Variants in LRRC4C observed in about 807,000 individuals in gnomAD.
LRRC4C encodes leucine rich repeat containing 4C, also known as leucine-rich repeat-containing protein 4C.
In LRRC4C, 5 loss-of-function variants were observed where a neutral mutation model predicts 33.6. The ratio of observed to expected loss-of-function variants is 0.15; its 90% CI spans 0.08 to 0.31. The LOEUF is 0.31. Ranked by LOEUF, LRRC4C falls within the 10% of genes least tolerant of loss-of-function variation. LRRC4C has a pLI of 1.00. For missense variants in LRRC4C, 560 were observed against 796.7 expected (o/e 0.70, Z 3.58); for synonymous variants, 329 against 302.0 (o/e 1.09, Z -0.93).
At chr11:40,423,398 G>C (rs1342869250) in intron 3 of LRRC4C, among the ~76,000 whole-genome samples, 10 of 135,922 alleles carry the variant, frequency 7.4e-5, no homozygotes, top group South Asian at 2.4e-4. Flanking sequence ...AGGCTGGAGT[G>C]CAGTGGCGCC....
chr11:41,110,170 A>G (rs1312053814), intron 1 of LRRC4C, among the ~76,000 whole-genome samples: 1 of 152,086 alleles, frequency 6.6e-6, no homozygotes. Flanking sequence ...TCCTGGCTCT[A>G]GTACACAACT....
At chr11:40,819,839 G>A (rs557885158) in intron 2 of LRRC4C, among the ~76,000 whole-genome samples, 8 of 151,950 alleles carry the variant, frequency 5.3e-5, no homozygotes, top group South Asian at 2.1e-4. Flanking sequence ...AATTATTAAC[G>A]TACTCAAGAT....
chr11:40,320,933 C>T (rs1945813806), intron 3 of LRRC4C, among the ~76,000 whole-genome samples: 1 of 152,060 alleles, frequency 6.6e-6, no homozygotes, highest in Admixed American at 6.6e-5. Flanking sequence ...GTAAGTTATA[C>T]TAAGGTGGTT....
intron 2 of LRRC4C, among the ~76,000 whole-genome samples, chr11:40,801,916 A>C (rs1951059067): frequency 6.6e-6 from 1 of 152,166 alleles, no homozygotes; most frequent in Admixed American, 6.6e-5. Flanking sequence ...GGAGAATCTA[A>C]ATTAAAATAT....
intron 1 of LRRC4C, among the ~76,000 whole-genome samples, chr11:41,238,750 C>G (rs540432664): frequency 6.6e-6 from 1 of 152,126 alleles, no homozygotes; most frequent in Non-Finnish European, 1.5e-5. Flanking sequence ...TGCCTCTTTA[C>G]TATCATTATA....
chr11:40,958,305 G>C (rs572480207), intron 1 of LRRC4C, among the ~76,000 whole-genome samples: 2 of 151,842 alleles, frequency 1.3e-5, no homozygotes, highest in South Asian at 4.1e-4. Flanking sequence ...CTGTAAAATA[G>C]GGATGATGAC....
At chr11:40,731,201 C>A (rs920742311) in intron 2 of LRRC4C, among the ~76,000 whole-genome samples, 4 of 151,838 alleles carry the variant, frequency 2.6e-5, no homozygotes, top group Non-Finnish European at 5.9e-5. Flanking sequence ...TGCCTGTAGT[C>A]CCAGCTACTC....
At chr11:41,298,125 T>C (rs1950191850) in intron 1 of LRRC4C, among the ~76,000 whole-genome samples, 1 of 152,184 alleles carries the variant, frequency 6.6e-6, no homozygotes, top group African/African-American at 2.4e-5. Flanking sequence ...TCAGTAATGT[T>C]ACCAGAAAGC....
At chr11:40,974,141 A>C (rs1266112258) in intron 1 of LRRC4C, among the ~76,000 whole-genome samples, 4 of 152,250 alleles carry the variant, frequency 2.6e-5, no homozygotes, top group Admixed American at 1.3e-4. Context: ...AGGAAGTATT[A>C]CAGGGTAATT....
At chr11:40,882,120 C>G (rs968079401) in intron 2 of LRRC4C, among the ~76,000 whole-genome samples, 3 of 152,034 alleles carry the variant, frequency 2.0e-5, no homozygotes, top group Admixed American at 6.6e-5. Context: ...TTGGGAATGG[C>G]TGCTTTCCAA....
At chr11:40,215,278 G>A (rs1863893974) in intron 5 of LRRC4C, among the ~76,000 whole-genome samples, 1 of 152,048 alleles carries the variant, frequency 6.6e-6, no homozygotes. Context: ...GAAGTTCAAG[G>A]AGCTGCTGAG....
At chr11:41,394,017 T>C (rs1370661757) in intron 1 of LRRC4C, among the ~76,000 whole-genome samples, 1 of 151,968 alleles carries the variant, frequency 6.6e-6, no homozygotes, top group Admixed American at 6.6e-5. Context: ...CTGCACCTTT[T>C]ATCAAATATG....
intron 1 of LRRC4C, among the ~76,000 whole-genome samples, chr11:41,087,333 A>G (rs1940077411): frequency 6.6e-6 from 1 of 152,282 alleles, no homozygotes; most frequent in Admixed American, 6.6e-5. Flanking sequence ...TGTTAAAAAC[A>G]CAAATGTAAA....
At chr11:41,064,899 G>T (rs72890346) in intron 1 of LRRC4C, among the ~76,000 whole-genome samples, 9,413 of 152,276 alleles carry the variant, frequency 0.062, 388 homozygotes, top group Non-Finnish European at 0.092. Flanking sequence ...TTTTCTCAGG[G>T]ATTTTCGCAG....
intron 1 of LRRC4C, among the ~76,000 whole-genome samples, chr11:41,160,218 C>T (rs970583090): frequency 2.0e-5 from 3 of 151,804 alleles, no homozygotes; most frequent in Non-Finnish European, 4.4e-5. Flanking sequence ...AAATATAGAA[C>T]ATATGGCTGG....
intron 1 of LRRC4C, among the ~76,000 whole-genome samples, chr11:41,223,550 G>A (rs1160277961): frequency 6.6e-6 from 1 of 152,102 alleles, no homozygotes; most frequent in African/African-American, 2.4e-5. Context: ...ATATAATCAG[G>A]TCAATATGGA....
intron 2 of LRRC4C, among the ~76,000 whole-genome samples, chr11:40,735,495 T>G (rs1174540316): frequency 6.7e-6 from 1 of 148,492 alleles, no homozygotes; most frequent in Non-Finnish European, 1.5e-5. Flanking sequence ...ATGAACTCAT[T>G]TTTTGTGGCT....
At chr11:41,291,471 C>T (rs1405526307) in intron 1 of LRRC4C, among the ~76,000 whole-genome samples, 1 of 152,046 alleles carries the variant, frequency 6.6e-6, no homozygotes, top group Non-Finnish European at 1.5e-5. Flanking sequence ...CTATATATAA[C>T]ATGAATTTTT....
At chr11:41,217,062 A>G (rs376576172) in intron 1 of LRRC4C, among the ~76,000 whole-genome samples, 4 of 152,058 alleles carry the variant, frequency 2.6e-5, no homozygotes, top group Admixed American at 2.0e-4. Flanking sequence ...CAACATCCCT[A>G]TTTTTCAGGC....
Sources: allele counts gnomAD v4.1 joint callset (sites outside exome capture counted in the v4.1 genomes callset), GRCh38; gene constraint gnomAD v4.1.1; transcripts MANE v1.5; gene names NCBI Gene and HGNC (gene_info 2026-07-23, HGNC 2026-07-21).